The following TENM2 variants were observed in gnomAD, a reference collection of about 807,000 sequenced individuals.
TENM2 encodes the protein teneurin-2.
A neutral mutation model predicts 245.2 loss-of-function variants in TENM2; 52 were observed. That is an observed-to-expected ratio of 0.21 (90% CI 0.17 to 0.27). The LOEUF (loss-of-function observed/expected upper bound fraction) is 0.27. Ranked by LOEUF, TENM2 falls within the 10% of genes least tolerant of loss-of-function variation. TENM2 has a pLI of 1.00. For missense variants in TENM2, 3,046 were observed against 3,666.8 expected, an observed-to-expected ratio of 0.83 and a Z score of 4.37; for synonymous variants, 1,363 against 1,438.9, an observed-to-expected ratio of 0.95 and a Z score of 1.19.
At chr5:167,922,216 T>A (rs1016612955) in intron 3 of TENM2, among the ~76,000 whole-genome samples, 11 of 152,166 alleles carry the variant, frequency 7.2e-5, no homozygotes, top group Non-Finnish European at 1.3e-4. Flanking sequence ...ATGACCCATA[T>A]CCATGAGACT....
chr5:167,307,732 G>C (rs1561851013), intron 1 of TENM2, among the ~76,000 whole-genome samples: 1 of 152,104 alleles, frequency 6.6e-6, no homozygotes, highest in Non-Finnish European at 1.5e-5. Context: ...TTCACATTAA[G>C]TAAAAAAAGA....
chr5:167,991,267 A>G (rs1447995010), intron 4 of TENM2, among the ~76,000 whole-genome samples: 1 of 152,212 alleles, frequency 6.6e-6, no homozygotes, highest in Non-Finnish European at 1.5e-5. Flanking sequence ...GCTGAGTAAA[A>G]TTGCAAGACA....
intron 1 of TENM2, among the ~76,000 whole-genome samples, chr5:167,288,537 C>T (rs7714618): frequency 0.023 from 3,290 of 140,450 alleles, 123 homozygotes; most frequent in African/African-American, 0.085. Context: ...CCAGCCTGGG[C>T]GACAGAGCGA....
At chr5:168,122,917 A>C (rs1175791477) in intron 10 of TENM2, among the ~76,000 whole-genome samples, 1 of 152,170 alleles carries the variant, frequency 6.6e-6, no homozygotes, top group African/African-American at 2.4e-5. Context: ...AAATTTCTCA[A>C]GTCTGTTGTC....
intron 5 of TENM2, among the ~76,000 whole-genome samples, chr5:168,017,407 G>A (rs1785750162): frequency 6.6e-6 from 1 of 152,132 alleles, no homozygotes; most frequent in African/African-American, 2.4e-5. Flanking sequence ...TTTTAGATTG[G>A]CCAACTCGTT....
chr5:167,139,128 T>A, the TENM2 span, among the ~76,000 whole-genome samples: 3 of 152,220 alleles, frequency 2.0e-5, no homozygotes, highest in Non-Finnish European at 4.4e-5. Flanking sequence ...TGCCACATCA[T>A]TGAAGTAATA....
intron 2 of TENM2, among the ~76,000 whole-genome samples, chr5:167,823,552 T>G (rs917408514): frequency 3.3e-5 from 5 of 152,164 alleles, no homozygotes; most frequent in African/African-American, 1.2e-4. Flanking sequence ...CAGTATTTTC[T>G]TTTGTGATGA....
At chr5:167,768,840 T>G (rs1191716361) in intron 2 of TENM2, among the ~76,000 whole-genome samples, 1 of 152,186 alleles carries the variant, frequency 6.6e-6, no homozygotes, top group Non-Finnish European at 1.5e-5. Flanking sequence ...AAATGTTAGC[T>G]GTTATTAGAA....
At chr5:168,120,467 G>T (rs1581369829) in intron 10 of TENM2, among the ~76,000 whole-genome samples, 1 of 152,200 alleles carries the variant, frequency 6.6e-6, no homozygotes, top group African/African-American at 2.4e-5. Context: ...TTGGAGAAAG[G>T]AAAGTGCTAG....
intron 2 of TENM2, among the ~76,000 whole-genome samples, chr5:167,666,953 C>G (rs1165250184): frequency 4.6e-5 from 7 of 152,134 alleles, no homozygotes; most frequent in Non-Finnish European, 8.8e-5. Flanking sequence ...TGGGATATGG[C>G]ACTTCTCAGC....
intron 2 of TENM2, among the ~76,000 whole-genome samples, chr5:167,859,348 G>C (rs1263537296): frequency 7.2e-6 from 1 of 138,742 alleles, no homozygotes. Flanking sequence ...GAGCGTCTCC[G>C]CCCGGCAGCC....
intron 13 of TENM2, among the ~76,000 whole-genome samples, chr5:168,167,827 G>A (rs1454693658): frequency 2.6e-5 from 4 of 152,122 alleles, no homozygotes; most frequent in African/African-American, 9.7e-5. Context: ...TGTAAAATAG[G>A]CATGGCAATG....
intron 1 of TENM2, among the ~76,000 whole-genome samples, chr5:167,369,691 C>A (rs990567640): frequency 4.6e-5 from 7 of 152,260 alleles, no homozygotes; most frequent in Admixed American, 6.5e-5. Context: ...TTTTATTTCT[C>A]TGTATAAAAT....
At chr5:167,131,721 T>C in the TENM2 span, among the ~76,000 whole-genome samples, 1 of 152,128 alleles carries the variant, frequency 6.6e-6, no homozygotes, top group African/African-American at 2.4e-5. Flanking sequence ...TGGAAAAATG[T>C]ACTCTCCTAG....
chr5:168,083,669 G>GT (rs34472305), intron 7 of TENM2, among the ~76,000 whole-genome samples: 16,000 of 151,540 alleles, frequency 0.11, 1,207 homozygotes, highest in East Asian at 0.32. Flanking sequence ...TCAGTAGCAA[G>GT]TTTTTTTTTC....
chr5:167,393,157 T>A (rs112238014), intron 2 of TENM2, among the ~76,000 whole-genome samples: 6,873 of 150,740 alleles, frequency 0.046, 306 homozygotes, highest in African/African-American at 0.12. Flanking sequence ...TTAATTTTTA[T>A]TAGGCAATAA....
At chr5:167,633,466 T>A (rs1779000847) in intron 2 of TENM2, among the ~76,000 whole-genome samples, 1 of 152,150 alleles carries the variant, frequency 6.6e-6, no homozygotes, top group Non-Finnish European at 1.5e-5. Flanking sequence ...CAGAAGACAT[T>A]CAGGGATAAT....
intron 2 of TENM2, among the ~76,000 whole-genome samples, chr5:167,613,896 T>C (rs975815819): frequency 1.4e-4 from 21 of 149,520 alleles, no homozygotes; most frequent in Non-Finnish European, 2.6e-4. Flanking sequence ...TAAAATCTTA[T>C]ATTTCTCTAA....
At chr5:168,016,078 C>T (rs1249365888) in intron 5 of TENM2, among the ~76,000 whole-genome samples, 1 of 152,206 alleles carries the variant, frequency 6.6e-6, no homozygotes, top group Admixed American at 6.5e-5. Flanking sequence ...GCCTTGGTTC[C>T]TCCATCATAA....
Sources: allele counts gnomAD v4.1 joint callset (sites outside exome capture counted in the v4.1 genomes callset), GRCh38; gene constraint gnomAD v4.1.1; transcripts MANE v1.5; gene names NCBI Gene and HGNC (gene_info 2026-07-23, HGNC 2026-07-21).